KCNJ3: variants seen among roughly 807,000 people sequenced by gnomAD.
KCNJ3 encodes potassium inwardly rectifying channel subfamily J member 3.
Under a neutral mutation model 39.2 loss-of-function variants are expected in KCNJ3, and 4 were observed. The ratio of observed to expected loss-of-function variants is 0.10; its 90% CI spans 0.05 to 0.23. KCNJ3 has a LOEUF of 0.23. Among genes scored for constraint, KCNJ3 ranks in the 10% least tolerant of loss-of-function variants. KCNJ3 has a pLI of 1.00. For synonymous variants in KCNJ3, 230 were observed against 237.4 expected (o/e 0.97, Z 0.29); for missense variants, 276 against 634.9 (o/e 0.43, Z 6.08).
At chr2:154,722,440 T>C (rs1685278011) in intron 2 of KCNJ3, among the ~76,000 whole-genome samples, 3 of 152,038 alleles carry the variant, frequency 2.0e-5, no homozygotes, top group South Asian at 4.1e-4. Flanking sequence ...AAGAATATTA[T>C]CAAAAGAGTG....
chr2:154,842,841 C>T (rs181895366), intron 2 of KCNJ3, among the ~76,000 whole-genome samples: 55 of 152,164 alleles, frequency 3.6e-4, no homozygotes, highest in Non-Finnish European at 4.7e-4. Context: ...CGTCTTTGCA[C>T]GTGAGATGGG....
intron 2 of KCNJ3, among the ~76,000 whole-genome samples, chr2:154,836,621 A>G (rs1293020510): frequency 6.9e-6 from 1 of 145,272 alleles, no homozygotes; most frequent in Admixed American, 7.0e-5. Flanking sequence ...CTAAAATAAT[A>G]TATATTTGTG....
chr2:154,781,647 A>G (rs924342713), intron 2 of KCNJ3, among the ~76,000 whole-genome samples: 13 of 152,114 alleles, frequency 8.5e-5, no homozygotes, highest in African/African-American at 3.1e-4. Context: ...TTGGCTTTTG[A>G]TTGGTTTGTT....
chr2:154,769,582 G>A (rs916931598), intron 2 of KCNJ3, among the ~76,000 whole-genome samples: 2 of 152,060 alleles, frequency 1.3e-5, no homozygotes, highest in African/African-American at 2.4e-5. Context: ...TGCTGGATTC[G>A]GTTTGCCAGT....
intron 1 of KCNJ3, among the ~76,000 whole-genome samples, chr2:154,703,445 T>C: frequency 6.6e-6 from 1 of 151,706 alleles, no homozygotes; most frequent in East Asian, 1.9e-4. Context: ...ACATATGTTA[T>C]TTTTGTGCTC....
At chr2:154,781,524 AAACAAAGTACGG>A (rs1249737950) in intron 2 of KCNJ3, among the ~76,000 whole-genome samples, 2 of 152,196 alleles carry the variant, frequency 1.3e-5, no homozygotes, top group African/African-American at 4.8e-5. Flanking sequence ...GCACACAACG[AAACAAAGTACGG>A]ATGCAAGAAT....
chr2:154,743,364 G>A (rs1363698203), intron 2 of KCNJ3, among the ~76,000 whole-genome samples: 2 of 151,708 alleles, frequency 1.3e-5, no homozygotes, highest in Non-Finnish European at 3.0e-5. Context: ...TTTAAGATGA[G>A]TTTTTCTATT....
intron 2 of KCNJ3, among the ~76,000 whole-genome samples, chr2:154,756,834 A>G (rs986529912): frequency 6.6e-6 from 1 of 152,068 alleles, no homozygotes; most frequent in Non-Finnish European, 1.5e-5. Context: ...GTTTAATTTA[A>G]TATTTAGAAA....
intron 2 of KCNJ3, among the ~76,000 whole-genome samples, chr2:154,784,924 T>C (rs1020639964): frequency 1.3e-5 from 2 of 152,196 alleles, no homozygotes; most frequent in Non-Finnish European, 2.9e-5. Context: ...AATGATTTAG[T>C]GTGCAAAGCA....
chr2:154,759,315 A>G (rs1235777213), intron 2 of KCNJ3, among the ~76,000 whole-genome samples: 1 of 151,770 alleles, frequency 6.6e-6, no homozygotes, highest in Non-Finnish European at 1.5e-5. Flanking sequence ...AATGCACCAG[A>G]AGGATTTTTT....
chr2:154,813,976 A>G (rs891242159), intron 2 of KCNJ3, among the ~76,000 whole-genome samples: 2 of 152,158 alleles, frequency 1.3e-5, no homozygotes, highest in African/African-American at 2.4e-5. Flanking sequence ...AAAAATGTGT[A>G]TATTCATCAA....
chr2:154,783,582 T>C (rs562208187), intron 2 of KCNJ3, among the ~76,000 whole-genome samples: 1 of 152,348 alleles, frequency 6.6e-6, no homozygotes, highest in South Asian at 2.1e-4. Flanking sequence ...CTTATAAATA[T>C]TAACTTATTA....
chr2:154,723,082 A>G (rs1461550226), intron 2 of KCNJ3, among the ~76,000 whole-genome samples: 3 of 151,996 alleles, frequency 2.0e-5, no homozygotes, highest in East Asian at 1.9e-4. Flanking sequence ...CAGGAATTCA[A>G]GACCAACCTG....
At chr2:154,713,725 C>T (rs1685139115) in intron 2 of KCNJ3, among the ~76,000 whole-genome samples, 1 of 152,244 alleles carries the variant, frequency 6.6e-6, no homozygotes, top group Non-Finnish European at 1.5e-5. Context: ...TTACCTCTCA[C>T]TCTTGCTCTC....
At chr2:154,726,233 C>T (rs1558857300) in intron 2 of KCNJ3, among the ~76,000 whole-genome samples, 1 of 151,936 alleles carries the variant, frequency 6.6e-6, no homozygotes, top group Non-Finnish European at 1.5e-5. Flanking sequence ...GGACTAATAT[C>T]CAGAATTTAT....
chr2:154,738,849 C>T (rs955793515), intron 2 of KCNJ3, among the ~76,000 whole-genome samples: 4 of 151,650 alleles, frequency 2.6e-5, no homozygotes, highest in African/African-American at 9.7e-5. Context: ...AAATAATCAC[C>T]AAAAGCTCCA....
At chr2:154,717,626 C>T (rs528789419) in intron 2 of KCNJ3, among the ~76,000 whole-genome samples, 6 of 152,202 alleles carry the variant, frequency 3.9e-5, no homozygotes, top group Admixed American at 2.0e-4. Flanking sequence ...ATCCAAGACA[C>T]CCAAATACAT....
chr2:154,825,545 T>TTTAC (rs1205807896), intron 2 of KCNJ3, among the ~76,000 whole-genome samples: 5 of 24,862 alleles, frequency 2.0e-4, no homozygotes, highest in African/African-American at 3.2e-4. Context: ...CATGAAATTA[T>TTTAC]TTATTTATTT....
At chr2:154,785,474 C>G (rs1318350017) in intron 2 of KCNJ3, among the ~76,000 whole-genome samples, 1 of 152,116 alleles carries the variant, frequency 6.6e-6, no homozygotes, top group African/African-American at 2.4e-5. Context: ...GAGGTGGGGC[C>G]TTTAAGAGAT....
Sources: allele counts gnomAD v4.1 joint callset (sites outside exome capture counted in the v4.1 genomes callset), GRCh38; gene constraint gnomAD v4.1.1; transcripts MANE v1.5; gene names NCBI Gene and HGNC (gene_info 2026-07-23, HGNC 2026-07-21).